The following INPP4B variants were observed in gnomAD, a reference collection of about 807,000 sequenced individuals.
INPP4B encodes inositol polyphosphate 4-phosphatase type II.
Under a neutral mutation model 122.5 loss-of-function variants are expected in INPP4B, and 55 were observed. The observed-to-expected ratio is 0.45, with a 90% CI of 0.36 to 0.56. The LOEUF is 0.56. Ranked by LOEUF, INPP4B falls within the 20% of genes least tolerant of loss-of-function variation. The pLI, the probability that INPP4B is intolerant of heterozygous loss-of-function variation, is 0.00. For missense variants in INPP4B, 1,000 were observed against 1,097.7 expected (o/e 0.91, Z 1.26); for synonymous variants, 403 against 388.7 (o/e 1.04, Z -0.43).
chr4:142,043,708 T>C (rs767725503), intron 25 of INPP4B, among the ~76,000 whole-genome samples: 13 of 152,324 alleles, frequency 8.5e-5, no homozygotes, highest in Non-Finnish European at 1.6e-4. Flanking sequence ...AAAATAAACA[T>C]TTGCTGTAAG....
chr4:142,761,058 A>T (rs1008665516), intron 1 of INPP4B, among the ~76,000 whole-genome samples: 1 of 152,094 alleles, frequency 6.6e-6, no homozygotes, highest in African/African-American at 2.4e-5. Flanking sequence ...ACATGAACAC[A>T]TACTCACACA....
intron 2 of INPP4B, among the ~76,000 whole-genome samples, chr4:142,572,363 T>C (rs545146609): frequency 1.3e-5 from 2 of 152,246 alleles, no homozygotes; most frequent in East Asian, 3.9e-4. Flanking sequence ...TCCTGAATGC[T>C]TCTCCAGTAA....
intron 8 of INPP4B, among the ~76,000 whole-genome samples, chr4:142,312,590 T>A (rs1165729000): frequency 6.6e-6 from 1 of 152,118 alleles, no homozygotes; most frequent in Non-Finnish European, 1.5e-5. Context: ...AACCACACAA[T>A]GGAACAGCCT....
intron 2 of INPP4B, among the ~76,000 whole-genome samples, chr4:142,623,334 T>C (rs1000670480): frequency 6.6e-6 from 1 of 152,074 alleles, no homozygotes; most frequent in East Asian, 2.0e-4. Context: ...TACAGGAATC[T>C]TCCTGGCTTG....
chr4:142,268,364 T>C (rs1330021292), intron 10 of INPP4B, among the ~76,000 whole-genome samples: 2 of 55,122 alleles, frequency 3.6e-5, no homozygotes, highest in Non-Finnish European at 9.9e-5. Flanking sequence ...TAAGTACTGG[T>C]GAGGGTGTAG....
chr4:142,102,624 C>A (rs1297008451), intron 23 of INPP4B, among the ~76,000 whole-genome samples: 1 of 151,924 alleles, frequency 6.6e-6, no homozygotes, highest in African/African-American at 2.4e-5. Context: ...TTTTCTGTGA[C>A]CTTTTGCTGG....
intron 19 of INPP4B, among the ~76,000 whole-genome samples, chr4:142,123,959 A>G (rs1216030523): frequency 6.6e-5 from 10 of 151,982 alleles, no homozygotes; most frequent in Admixed American, 6.6e-4. Flanking sequence ...CTTTCTCTCC[A>G]TATGTCCTGT....
At chr4:142,368,467 A>G (rs1788423959) in intron 7 of INPP4B, among the ~76,000 whole-genome samples, 1 of 152,140 alleles carries the variant, frequency 6.6e-6, no homozygotes, top group Non-Finnish European at 1.5e-5. Flanking sequence ...AATAACTGAT[A>G]TCTAAATAGC....
intron 2 of INPP4B, among the ~76,000 whole-genome samples, chr4:142,687,988 T>C (rs995638470): frequency 7.2e-5 from 11 of 152,078 alleles, no homozygotes; most frequent in Non-Finnish European, 1.3e-4. Context: ...CTTTGTGTTT[T>C]TGCCTTGAAA....
chr4:142,143,071 A>G (rs1273193535), intron 18 of INPP4B, among the ~76,000 whole-genome samples: 1 of 152,036 alleles, frequency 6.6e-6, no homozygotes, highest in Non-Finnish European at 1.5e-5. Context: ...AAGTTTCCTT[A>G]ACTGCCTAAA....
chr4:142,380,367 A>T (rs1210991126), intron 7 of INPP4B, among the ~76,000 whole-genome samples: 1 of 152,034 alleles, frequency 6.6e-6, no homozygotes, highest in Non-Finnish European at 1.5e-5. Context: ...TTCATTCTCT[A>T]CAGACGTTGA....
chr4:142,133,155 A>C (rs1802169684), intron 18 of INPP4B, among the ~76,000 whole-genome samples: 1 of 152,110 alleles, frequency 6.6e-6, no homozygotes, highest in African/African-American at 2.4e-5. Flanking sequence ...TCAACACTGA[A>C]ATGTCCTCAA....
intron 18 of INPP4B, among the ~76,000 whole-genome samples, chr4:142,141,959 T>C (rs979525532): frequency 1.3e-5 from 2 of 152,028 alleles, no homozygotes; most frequent in Admixed American, 1.3e-4. Flanking sequence ...CAAAACCCTA[T>C]GAAATAAAAC....
chr4:142,622,171 G>GATT (rs1250692111), intron 2 of INPP4B, among the ~76,000 whole-genome samples: 2 of 151,752 alleles, frequency 1.3e-5, no homozygotes, highest in African/African-American at 2.4e-5. Context: ...AATCTCACTG[G>GATT]ACTCCCAAAA....
At chr4:142,547,473 C>T (rs1239734186) in intron 2 of INPP4B, among the ~76,000 whole-genome samples, 1 of 152,080 alleles carries the variant, frequency 6.6e-6, no homozygotes, top group Non-Finnish European at 1.5e-5. Context: ...AAACCCTGCA[C>T]TAATTTTCTG....
chr4:142,522,450 T>A (rs1288848351), intron 2 of INPP4B, among the ~76,000 whole-genome samples: 3 of 149,904 alleles, frequency 2.0e-5, no homozygotes, highest in Non-Finnish European at 1.5e-5. Flanking sequence ...CCTCAAGACA[T>A]CCTCATGCAT....
intron 23 of INPP4B, among the ~76,000 whole-genome samples, chr4:142,102,085 A>T (rs1280706598): frequency 6.6e-6 from 1 of 152,004 alleles, no homozygotes; most frequent in East Asian, 1.9e-4. Flanking sequence ...TACTTTTTAT[A>T]AATTTCATAT....
chr4:142,389,089 T>C (rs112931539), intron 7 of INPP4B, among the ~76,000 whole-genome samples: 4 of 151,574 alleles, frequency 2.6e-5, no homozygotes, highest in Non-Finnish European at 5.9e-5. Flanking sequence ...GTCTCTACTA[T>C]AAACACAAAA....
intron 1 of INPP4B, among the ~76,000 whole-genome samples, chr4:142,838,195 T>C (rs1245675788): frequency 6.6e-6 from 1 of 151,770 alleles, no homozygotes; most frequent in South Asian, 2.1e-4. Flanking sequence ...CACACACACA[T>C]ATCTAAACTT....
Sources: allele counts gnomAD v4.1 joint callset (sites outside exome capture counted in the v4.1 genomes callset), GRCh38; gene constraint gnomAD v4.1.1; transcripts MANE v1.5; gene names NCBI Gene and HGNC (gene_info 2026-07-23, HGNC 2026-07-21).